The following SUCLG2 variants were observed in gnomAD, a reference collection of about 807,000 sequenced individuals.
SUCLG2 encodes succinate--CoA ligase [GDP-forming] subunit beta, mitochondrial.
Under a neutral mutation model 47.9 loss-of-function variants are expected in SUCLG2, and 42 were observed. That is an observed-to-expected ratio of 0.88 (90% CI 0.69 to 1.14). SUCLG2 has a LOEUF of 1.14. Among genes scored for constraint, SUCLG2 ranks in the 50% most tolerant of loss-of-function variants. The pLI is 0.00. For missense variants in SUCLG2, 571 were observed against 525.9 expected (o/e 1.09, Z -0.84); for synonymous variants, 195 against 197.3 (o/e 0.99, Z 0.10).
chr3:67,635,906 A>C (rs959961996), intron 1 of SUCLG2, among the ~76,000 whole-genome samples: 1 of 152,068 alleles, frequency 6.6e-6, no homozygotes, highest in Non-Finnish European at 1.5e-5. Flanking sequence ...CAAAACCTTC[A>C]AGTACTTGTT....
rs1706169705 is a variant in SUCLG2, at chr3:67,523,361, A to G, written c.418-2727T>C. ...AAATGGAAGTTCATAAGTATATAAA[A>G]ACTGTTTCTCAGCACATGGTGTTAG... is the stretch of plus-strand genomic sequence containing the variant. On this transcript the variant is annotated intron_variant, in intron 4 of 10. Coordinates refer to ENST00000307227, the MANE Select transcript of SUCLG2 (RefSeq NM_003848.4). Among the ~76,000 whole-genome samples the G allele has an allele frequency of 3.3e-5, 5 of 152,166 alleles. No homozygotes were observed. The South Asian group carries it at 1.0e-3, about 32-fold the overall frequency.
At chr3:67,525,746 TA>T (rs575054299) in intron 4 of SUCLG2, among the ~76,000 whole-genome samples, 1 of 152,152 alleles carries the variant, frequency 6.6e-6, no homozygotes, top group Non-Finnish European at 1.5e-5. Flanking sequence ...GACCTGATAC[TA>T]AAAAGGTATA....
intron 6 of SUCLG2, among the ~76,000 whole-genome samples, chr3:67,515,730 C>T (rs1458547730): frequency 6.6e-6 from 1 of 152,096 alleles, no homozygotes; most frequent in Admixed American, 6.5e-5. Context: ...CTACACTGTC[C>T]CATCTGCTCA....
chr3:67,387,819 G>A (rs1702293059), intron 10 of SUCLG2, among the ~76,000 whole-genome samples: 2 of 152,040 alleles, frequency 1.3e-5, no homozygotes, highest in South Asian at 4.2e-4. Flanking sequence ...TTAACTAAAT[G>A]TACTTCCAAG....
intron 2 of SUCLG2, among the ~76,000 whole-genome samples, chr3:67,582,142 G>A (rs1325864447): frequency 1.3e-5 from 2 of 152,080 alleles, no homozygotes; most frequent in African/African-American, 2.4e-5. Flanking sequence ...ACATTCAGGG[G>A]TACATGTACA....
At chr3:67,653,025 G>C (rs984677760) in intron 1 of SUCLG2, among the ~76,000 whole-genome samples, 1 of 152,238 alleles carries the variant, frequency 6.6e-6, no homozygotes, top group Non-Finnish European at 1.5e-5. Flanking sequence ...CAAACCAAGA[G>C]TATCTCTCCC....
intron 10 of SUCLG2, among the ~76,000 whole-genome samples, chr3:67,367,203 G>A (rs1701887562): frequency 6.6e-6 from 1 of 152,100 alleles, no homozygotes; most frequent in East Asian, 1.9e-4. Context: ...TAAACTGAGT[G>A]AGATTTTTAA....
At chr3:67,586,599 A>T (rs1708025709) in intron 2 of SUCLG2, among the ~76,000 whole-genome samples, 1 of 152,194 alleles carries the variant, frequency 6.6e-6, no homozygotes, top group Admixed American at 6.5e-5. Context: ...TAAGTATTCT[A>T]AATAAAGAAG....
chr3:67,427,458 T>C (rs1703331813), intron 9 of SUCLG2, among the ~76,000 whole-genome samples: 1 of 152,240 alleles, frequency 6.6e-6, no homozygotes, highest in African/African-American at 2.4e-5. Flanking sequence ...GTCAATTGAC[T>C]ATCTAGTTGG....
intron 9 of SUCLG2, among the ~76,000 whole-genome samples, chr3:67,442,003 ACTTT>A (rs1212384792): frequency 6.7e-6 from 1 of 149,176 alleles, no homozygotes; most frequent in African/African-American, 2.5e-5. Context: ...CTGGCTGTCT[ACTTT>A]CTTTCTTTTT....
chr3:67,604,406 T>A (rs1708484070), intron 2 of SUCLG2, among the ~76,000 whole-genome samples: 1 of 152,172 alleles, frequency 6.6e-6, no homozygotes, highest in Admixed American at 6.6e-5. Flanking sequence ...CTCCCAAAAA[T>A]ATCATCATCA....
At chr3:67,514,075 C>T (rs1008560922) in intron 6 of SUCLG2, 15 of 340,304 alleles carry the variant, frequency 4.4e-5, no homozygotes, top group Non-Finnish European at 2.3e-5. Flanking sequence ...GCTGAAACAG[C>T]AGTACTTGCT....
In SUCLG2 at chr3:67,505,866, G is replaced by A. The variant is rs755277840; in HGVS notation, c.757+2941C>T. Reference sequence around the variant, plus strand: ...AATCCCAGATACTCGGGAGGCTGACGTAGGAGAATCACTTGAACTCGGGAG... The same window carrying A: ...AATCCCAGATACTCGGGAGGCTGACATAGGAGAATCACTTGAACTCGGGAG... On this transcript the variant is annotated intron_variant, in intron 7 of 10. Transcript: ENST00000307227. Among the ~76,000 whole-genome samples the A allele has an allele frequency of 3.3e-5, 5 of 152,154 alleles. 1 individual carries two copies. The highest frequency in any genetic ancestry group is 2.1e-4 in the South Asian group (1 of 4,826).
At chr3:67,447,174 C>A (rs1163258276) in intron 9 of SUCLG2, among the ~76,000 whole-genome samples, 3 of 152,108 alleles carry the variant, frequency 2.0e-5, no homozygotes, top group African/African-American at 7.2e-5. Flanking sequence ...TTTAAAAAAT[C>A]ATTTTACCTA....
At chr3:67,431,774 A>C (rs557950122) in intron 9 of SUCLG2, among the ~76,000 whole-genome samples, 23 of 152,184 alleles carry the variant, frequency 1.5e-4, no homozygotes, top group African/African-American at 4.8e-4. Context: ...CCATTAGGAG[A>C]TATACCTAAT....
At chr3:67,463,278 A>G (rs966524836) in intron 9 of SUCLG2, among the ~76,000 whole-genome samples, 7 of 152,208 alleles carry the variant, frequency 4.6e-5, no homozygotes, top group African/African-American at 1.7e-4. Context: ...TGACACACAG[A>G]GTACCCTCAC....
intron 9 of SUCLG2, among the ~76,000 whole-genome samples, chr3:67,494,972 C>A (rs1354840036): frequency 1.3e-5 from 2 of 152,148 alleles, no homozygotes; most frequent in African/African-American, 2.4e-5. Flanking sequence ...AACTATGAAA[C>A]CAGGTACAGT....
intron 9 of SUCLG2, among the ~76,000 whole-genome samples, chr3:67,423,711 G>A (rs1015222417): frequency 3.3e-5 from 5 of 152,132 alleles, no homozygotes; most frequent in Admixed American, 1.3e-4. Context: ...TCTTATTTCC[G>A]CTATTTTAAA....
At chr3:67,499,585 T>C (rs1185445262) in intron 7 of SUCLG2, among the ~76,000 whole-genome samples, 4 of 152,136 alleles carry the variant, frequency 2.6e-5, no homozygotes, top group Admixed American at 1.3e-4. Flanking sequence ...AGATCTCCTA[T>C]ACATACAATC....
Sources: gnomAD v4.1 joint callset for allele counts (sites outside exome capture counted in the v4.1 genomes callset) on GRCh38, gnomAD v4.1.1 for gene constraint, MANE v1.5 for transcripts, NCBI Gene and HGNC (gene_info 2026-07-23, HGNC 2026-07-21) for gene names.